Variants in HEG1 observed in about 807,000 individuals in gnomAD.
HEG1 encodes protein HEG homolog 1.
A neutral mutation model predicts 125.6 loss-of-function variants in HEG1; 56 were observed. The observed-to-expected ratio is 0.45, with a 90% CI of 0.36 to 0.56. The LOEUF is 0.56. Ranked by LOEUF, HEG1 falls within the 20% of genes least tolerant of loss-of-function variation. HEG1 has a pLI of 0.00. For synonymous variants in HEG1, 644 were observed against 668.5 expected, an observed-to-expected ratio of 0.96 and a Z score of 0.57; for missense variants, 1,523 against 1,670.0, an observed-to-expected ratio of 0.91 and a Z score of 1.53.
chr3:125,051,605 C>T (rs1405337739), intron 1 of HEG1, among the ~76,000 whole-genome samples: 1 of 152,216 alleles, frequency 6.6e-6, no homozygotes, highest in East Asian at 1.9e-4. Context: ...GCCGACCACA[C>T]ATACGTGTTC....
chr3:125,002,028 G>A lies in HEG1; in HGVS notation c.3357-16C>T. On this transcript the variant is annotated splice_polypyrimidine_tract_variant and intron_variant, in intron 10 of 16. Transcript: ENST00000311127. ...GTTGGACTCCCTATAGGCAAAGTTT[G>A]TGGGTTTTTAACAGCCCTGAAATGA... The A allele has an allele frequency of 6.2e-7, 1 of 1,613,652 alleles. No homozygotes were observed. Among genetic ancestry groups the A allele is most frequent in the Non-Finnish European group, 8.5e-7 (1 of 1,179,746 alleles).
Position 124,973,823 on chromosome 3 carries a change from G to C in HEG1, c.3904C>G (p.Pro1302Ala). Residue 1302 changes from proline (P) to alanine (A), a missense_variant, in exon 16 of 17, where the codon CCT becomes GCT. By Grantham distance (27) the Pro-to-Ala change is conservative. Transcript: ENST00000311127. Reference protein sequence around the residue: ...MSPYAEYPKNPRSQEWGREAI... With the variant: ...MSPYAEYPKNARSQEWGREAI... Reference sequence around the variant, plus strand: ...TCTCGGCCCCATTCTTGTGAGCGAGGATTTTTGGGGTATTCAGCATACGGG... The same window carrying C: ...TCTCGGCCCCATTCTTGTGAGCGAGCATTTTTGGGGTATTCAGCATACGGG... The C allele has an allele frequency of 6.2e-7, 1 of 1,613,582 alleles. No individual in the cohort carries two copies. The highest frequency in any genetic ancestry group is 8.5e-7 in the Non-Finnish European group (1 of 1,179,554).
At chr3:124,991,722 C>T (rs530122131) in intron 12 of HEG1, among the ~76,000 whole-genome samples, 7 of 152,270 alleles carry the variant, frequency 4.6e-5, no homozygotes, top group Admixed American at 2.6e-4. Context: ...AACGATTCTC[C>T]GGCCTCAGCC....
In HEG1 at chr3:125,055,875, C is replaced by T; in HGVS notation, c.16G>A (p.Ala6Thr). The T allele has an allele frequency of 1.0e-6, 1 of 983,392 alleles. No homozygotes were observed. Among genetic ancestry groups the T allele is most frequent in the African/African-American group, 1.8e-5 (1 of 56,734 alleles). The allele number at this position is 983,392 out of a possible 1,614,324, so 60.9% of individuals were successfully genotyped here. A position where few individuals can be genotyped will look rare whatever the true frequency, so the allele number is the denominator to read the frequency against. Residue 6 changes from alanine (A) to threonine (T), a missense_variant, in exon 1 of 17, where the codon GCC (alanine) becomes ACC (threonine). Physicochemically the swap from Ala to Thr is moderately conservative, Grantham distance 58. Coordinates refer to ENST00000311127, the MANE Select transcript of HEG1 (RefSeq NM_020733.2). Reference protein sequence around the residue: MASPRASRWPPPLLLL... With the variant: MASPRTSRWPPPLLLL... ...AGGAGCGGCGGCGGCCACCGCGAGG[C>T]GCGCGGCGAGGCCATGGTGACGGCG...
intron 14 of HEG1, among the ~76,000 whole-genome samples, chr3:124,983,004 A>C (rs1936679469): frequency 1.3e-5 from 2 of 152,180 alleles, no homozygotes; most frequent in Non-Finnish European, 2.9e-5. Flanking sequence ...CATGGCAAAG[A>C]GTGGAGATGA....
At chr3:124,994,507 CT>C (rs547731140) in intron 12 of HEG1, among the ~76,000 whole-genome samples, 607 of 143,586 alleles carry the variant, frequency 4.2e-3, no homozygotes, top group Admixed American at 4.1e-3. Context: ...ATGGTGGCAT[CT>C]TTTTTTTTTT....
chr3:124,983,808 T>C lies in HEG1; in HGVS notation c.3734-5862A>G, dbSNP rs116524922. On this transcript the variant is annotated intron_variant, in intron 14 of 16. Coordinates refer to ENST00000311127, the MANE Select transcript of HEG1 (RefSeq NM_020733.2). The stretch of plus-strand genomic sequence containing the variant: ...GCCCCACATGATTGTCACTTTCTCC[T>C]GATGTTTTACACAACTCTATCCCTT... Among the ~76,000 whole-genome samples the C allele has an allele frequency of 6.3e-3, 960 of 152,264 alleles. 14 individuals carry two copies. Among genetic ancestry groups the C allele is most frequent in the African/African-American group, 0.021 (871 of 41,546 alleles).
intron 8 of HEG1, among the ~76,000 whole-genome samples, chr3:125,007,246 A>G (rs1048503357): frequency 3.3e-5 from 5 of 151,512 alleles, no homozygotes; most frequent in Non-Finnish European, 7.4e-5. Context: ...AATGTCAGGT[A>G]CGTAGATCTA....
chr3:125,002,804 A>T (rs1937019307), intron 9 of HEG1, among the ~76,000 whole-genome samples: 1 of 152,222 alleles, frequency 6.6e-6, no homozygotes, highest in Non-Finnish European at 1.5e-5. Context: ...GAGAAATTAC[A>T]TTATGTGGGT....
At chr3:124,977,976 T>A in intron 14 of HEG1, 30 bp from the exon 15 acceptor site, 1 of 1,482,026 alleles carries the variant, frequency 6.7e-7, no homozygotes, top group Non-Finnish European at 9.2e-7. Flanking sequence ...AAAAGCATAT[T>A]GGCTGGAGGT....
At chr3:124,991,396 C>A (rs1348172405) in intron 12 of HEG1, among the ~76,000 whole-genome samples, 1 of 152,192 alleles carries the variant, frequency 6.6e-6, no homozygotes, top group Non-Finnish European at 1.5e-5. Flanking sequence ...AGTGATCTGC[C>A]CGCCTCTGCC....
chr3:125,006,988 A>T (rs965569522), intron 8 of HEG1, among the ~76,000 whole-genome samples: 1 of 151,960 alleles, frequency 6.6e-6, no homozygotes, highest in African/African-American at 2.4e-5. Context: ...TCACGAGGTC[A>T]GGAGATCGAG....
Position 124,977,915 on chromosome 3 carries a change from G to A in HEG1, c.3765C>T (p.Ala1255=), listed in dbSNP as rs775215402. 22 of 1,580,506 alleles carry A rather than the reference G, an allele frequency of 1.4e-5. No individual in the cohort carries two copies. The highest frequency in any genetic ancestry group is 7.0e-5 in the East Asian group (3 of 43,124). Residue 1255 remains alanine, a synonymous_variant, in exon 15 of 17, where the codon GCC becomes GCT. Transcript: ENST00000311127. ...GGATGAGCAGGAGCCCACCTCCCGCGGCTGCGATCACCACAGTGATAAGCT... is the reference window on the plus strand; with the variant it reads ...GGATGAGCAGGAGCCCACCTCCCGCAGCTGCGATCACCACAGTGATAAGCT... The part of the protein sequence containing the change: ...PYQLITVVIA[A]AGGGLLLILG...
At chr3:125,055,518 C>T in intron 1 of HEG1, 57 bp downstream of exon 1, 1 of 1,106,312 alleles carries the variant, frequency 9.0e-7, no homozygotes, top group Non-Finnish European at 1.1e-6. Context: ...CAGCCCGGGG[C>T]GCGCCCACGC....
rs1936343648 is a variant in HEG1, at chr3:124,967,743, T to G, written c.*2909A>C. 1 of 152,148 alleles carries G rather than the reference T, an allele frequency of 6.6e-6. No individual in the cohort carries two copies. 9.4% of individuals were successfully genotyped at this position (152,148 alleles called of 1,614,324 possible). Reference sequence around the variant, plus strand: ...TTTCTGTACCTGAGAAATGGGCACTTCCATGCCCACCTCTCAAGGATACTG... The same window carrying G: ...TTTCTGTACCTGAGAAATGGGCACTGCCATGCCCACCTCTCAAGGATACTG... On this transcript the variant is annotated 3_prime_UTR_variant, in exon 17 of 17. Transcript: ENST00000311127.
chr3:125,000,963 T>C (rs1487512771), intron 11 of HEG1, among the ~76,000 whole-genome samples: 3 of 152,206 alleles, frequency 2.0e-5, no homozygotes, highest in Non-Finnish European at 2.9e-5. Context: ...TACTTTAGAT[T>C]CCAGTTGAGT....
Position 125,005,186 on chromosome 3 carries a change from G to A in HEG1, c.3297+79C>T, listed in dbSNP as rs530887231. ...AAGAGCCCAGGAGACACAGCTGACC[G>A]CTAGGCAGTCCCCTCTTGGAATAAA... is the stretch of plus-strand genomic sequence containing the variant. On this transcript the variant is annotated intron_variant, in intron 9 of 16. Transcript: ENST00000311127. The A allele has an allele frequency of 4.4e-4, 365 of 820,882 alleles. No homozygotes were observed. In the African/African-American group the frequency reaches 5.2e-3, roughly 12 times the overall value. 50.8% of individuals were successfully genotyped at this position (820,882 alleles called of 1,614,324 possible). A position where few individuals can be genotyped will look rare whatever the true frequency, so the allele number is the denominator to read the frequency against.
intron 14 of HEG1, among the ~76,000 whole-genome samples, chr3:124,986,053 C>T (rs1346940017): frequency 1.3e-5 from 2 of 152,242 alleles, no homozygotes; most frequent in East Asian, 3.8e-4. Flanking sequence ...GCTGGGATTA[C>T]AGGCGTGAGC....
chr3:125,018,855 T>G (rs1000947939), intron 5 of HEG1, among the ~76,000 whole-genome samples: 19 of 150,176 alleles, frequency 1.3e-4, no homozygotes, highest in African/African-American at 3.9e-4. Flanking sequence ...GTTATTTCAT[T>G]CATGCATGCT....
Sources: gnomAD v4.1 joint callset for allele counts (sites outside exome capture counted in the v4.1 genomes callset) on GRCh38, gnomAD v4.1.1 for gene constraint, MANE v1.5 for transcripts, NCBI Gene and HGNC (gene_info 2026-07-23, HGNC 2026-07-21) for gene names.